Variants in ZC3H4 observed in about 807,000 individuals in gnomAD.
ZC3H4 encodes the protein zinc finger CCCH domain-containing protein 4.
Under a neutral mutation model 108.3 loss-of-function variants are expected in ZC3H4, and 13 were observed. The ratio of observed to expected loss-of-function variants is 0.12; its 90% confidence interval spans 0.08 to 0.19. The LOEUF (loss-of-function observed/expected upper bound fraction) is 0.19, where lower values mean the gene tolerates loss of function less well. ZC3H4 is among the 10% of genes least tolerant of loss of function. The pLI is 1.00. For missense variants in ZC3H4, 1,734 were observed against 1,838.8 expected (o/e 0.94, Z 1.04); for synonymous variants, 917 against 749.6 (o/e 1.22, Z -3.65).
At chr19:47,113,397 G>C (rs2058065318) in intron 1 of ZC3H4, 1 of 152,676 alleles carries the variant, frequency 6.5e-6, no homozygotes, top group African/African-American at 2.4e-5. Context: ...GAAACCTAGG[G>C]GAGCCATAAA....
At chr19:47,069,409 T>C in intron 13 of ZC3H4, 66 bp from the exon 14 acceptor site, 2 of 1,543,292 alleles carry the variant, frequency 1.3e-6, no homozygotes, top group Non-Finnish European at 8.7e-7. Context: ...CCAGCCCCCC[T>C]GCCCCTCACT....
At position 47,072,766 on chromosome 19, in the gene ZC3H4, G is replaced by C; in HGVS notation, c.1441-53C>G. 1 of 1,600,938 alleles carries C rather than the reference G, an allele frequency of 6.2e-7. No individual in the cohort carries two copies. The highest frequency in any genetic ancestry group is 8.5e-7 in the Non-Finnish European group (1 of 1,175,316). Reference sequence around the variant, plus strand: ...TGTGGACGGGGTCAGGATGGAAACGGACCTCTCCAGGTCTGAGAGCTGAAG... The same window carrying C: ...TGTGGACGGGGTCAGGATGGAAACGCACCTCTCCAGGTCTGAGAGCTGAAG... On this transcript the variant is annotated intron_variant, in intron 11 of 14. Coordinates refer to ENST00000253048, the MANE Select transcript of ZC3H4 (RefSeq NM_015168.2). This position sits in a 1 kb window ranked among gnomAD's most constrained non-coding sequence, Gnocchi z 5.6.
intron 8 of ZC3H4, 34 bp downstream of exon 8, chr19:47,085,022 G>A (rs1311013265): frequency 6.2e-7 from 1 of 1,611,850 alleles, no homozygotes; most frequent in Non-Finnish European, 8.5e-7. Flanking sequence ...AGGGACCTTG[G>A]CCCAAACATC....
chr19:47,094,426 TTC>T lies in ZC3H4; in HGVS notation c.342_343del (p.Arg116GlufsTer17). 6.2e-7 allele frequency: 1 copy of T among 1,614,168 alleles called. No homozygotes were observed. ...TTTCCTCCTCTTCTTCGACCTCCTT[TTC>T]TCTTTCTCCCGCTCTTTCTTCCGTT... is the stretch of plus-strand genomic sequence containing the variant. On this transcript the variant is annotated frameshift_variant, in exon 3 of 15. Coordinates refer to ENST00000253048, the MANE Select transcript of ZC3H4 (RefSeq NM_015168.2). LOFTEE classifies it high-confidence loss of function.
At chr19:47,076,168 C>T (rs753098304) in intron 11 of ZC3H4, among the ~76,000 whole-genome samples, 83 of 152,244 alleles carry the variant, frequency 5.5e-4, no homozygotes, top group Non-Finnish European at 8.4e-4. Flanking sequence ...TGTCCTTCAA[C>T]GGATGACTGG....
chr19:47,066,828 C>T lies in ZC3H4; in HGVS notation c.3440G>A (p.Ser1147Asn). The T allele has an allele frequency of 6.3e-7, 1 of 1,599,838 alleles. No individual in the cohort carries two copies. The highest frequency in any genetic ancestry group is 8.5e-7 in the Non-Finnish European group (1 of 1,179,292). The change falls in exon 15 of 15, where the codon AGC (serine) becomes AAC (asparagine). Residue 1147 changes from serine (S) to asparagine (N), a missense_variant. This residue lies in a region of ZC3H4 where 518 missense variants were observed against 499.6 expected (regional missense o/e 1.04). Coordinates refer to ENST00000253048, the MANE Select transcript of ZC3H4 (RefSeq NM_015168.2). ...GTTGGGAGTCCTCGGGTCGTAGAGGCTGATACCGCTCAGCACACTGCTCTG... is the reference window on the plus strand; with the variant it reads ...GTTGGGAGTCCTCGGGTCGTAGAGGTTGATACCGCTCAGCACACTGCTCTG... ...GGQSSVLSGISLYDPRTPNAG... is the reference protein window; with the variant it reads ...GGQSSVLSGINLYDPRTPNAG...
At chr19:47,112,865 G>T (rs1332923178) in intron 1 of ZC3H4, among the ~76,000 whole-genome samples, 1 of 152,172 alleles carries the variant, frequency 6.6e-6, no homozygotes, top group Non-Finnish European at 1.5e-5. Flanking sequence ...CCCCCGGGGG[G>T]CGGGACACCC....
At position 47,075,292 on chromosome 19, in the gene ZC3H4, G is replaced by C. The variant is rs571973595; in HGVS notation, c.1441-2579C>G. Reference sequence around the variant, plus strand: ...AACCCGCATTCTGCCCTTTGAGCGTGGGCACCACCACCTGAGATGAGCCTT... The same window carrying C: ...AACCCGCATTCTGCCCTTTGAGCGTCGGCACCACCACCTGAGATGAGCCTT... On this transcript the variant is annotated intron_variant, in intron 11 of 14. Transcript: ENST00000253048. Among the ~76,000 whole-genome samples, 5 of 152,280 alleles carry C rather than the reference G, an allele frequency of 3.3e-5. 1 individual carries two copies. Among genetic ancestry groups the C allele is most frequent in the African/African-American group, 1.2e-4 (5 of 41,560 alleles).
chr19:47,081,236 G>A (rs951384714), intron 11 of ZC3H4, among the ~76,000 whole-genome samples: 5 of 152,192 alleles, frequency 3.3e-5, no homozygotes, highest in African/African-American at 7.2e-5. Flanking sequence ...AAGAGATCAC[G>A]ATTCATGCTT....
At chr19:47,090,578 T>C (rs2057714218) in intron 4 of ZC3H4, among the ~76,000 whole-genome samples, 1 of 152,160 alleles carries the variant, frequency 6.6e-6, no homozygotes, top group South Asian at 2.1e-4. Context: ...ATAAATGGCC[T>C]GCTTGGCAGC....
intron 4 of ZC3H4, among the ~76,000 whole-genome samples, chr19:47,092,627 G>C (rs2057753807): frequency 1.3e-5 from 2 of 151,950 alleles, no homozygotes; most frequent in East Asian, 3.9e-4. Context: ...GGCCAGCCTG[G>C]CCAACATCGT....
intron 5 of ZC3H4, 38 bp downstream of exon 5, chr19:47,089,929 C>T (rs1258671267): frequency 4.3e-6 from 7 of 1,610,504 alleles, no homozygotes; most frequent in Middle Eastern, 1.7e-4. Flanking sequence ...CGGGTGGCTC[C>T]GATGCCCCAG....
chr19:47,094,386 T>C lies in ZC3H4; in HGVS notation c.381+3A>G, dbSNP rs1340432193. 1 of 1,613,870 alleles carries C rather than the reference T, an allele frequency of 6.2e-7. No homozygotes were observed. Among genetic ancestry groups the C allele is most frequent in the Non-Finnish European group, 8.5e-7 (1 of 1,180,018 alleles). On this transcript the variant is annotated splice_donor_region_variant and intron_variant, in intron 3 of 14. Coordinates refer to ENST00000253048, the MANE Select transcript of ZC3H4 (RefSeq NM_015168.2). ...TGGCAGTCCCAGGGGATCTCCGACCTACTTTGTGCTTGGATTTCCTCCTCT... is the reference window on the plus strand; with the variant it reads ...TGGCAGTCCCAGGGGATCTCCGACCCACTTTGTGCTTGGATTTCCTCCTCT...
intron 4 of ZC3H4, among the ~76,000 whole-genome samples, chr19:47,092,091 C>A (rs2057742799): frequency 6.6e-6 from 1 of 151,774 alleles, no homozygotes; most frequent in Non-Finnish European, 1.5e-5. Flanking sequence ...ATGGTTCCAG[C>A]TACTTAGGAG....
At position 47,069,432 on chromosome 19, in the gene ZC3H4, C is replaced by T. The variant is rs566465038; in HGVS notation, c.2147-89G>A. On this transcript the variant is annotated intron_variant, in intron 13 of 14. Transcript: ENST00000253048. ...CCTGCCCCTCACTGCAAACCCACAC[C>T]GATGGCGATGGAGAAGGACGCACAG... is the stretch of plus-strand genomic sequence containing the variant. 2.6e-3 allele frequency: 3,858 copies of T among 1,478,810 alleles called. 12 individuals are homozygous for T. The highest frequency in any genetic ancestry group is 6.4e-3 in the African/African-American group (457 of 71,918). The allele number at this position is 1,478,810 out of a possible 1,614,324, so 91.6% of individuals were successfully genotyped here.
chr19:47,065,352 C>CA lies in ZC3H4; in HGVS notation c.*1003dup, dbSNP rs1419704861. ...ACAGTGTAAGGAGGTGCGAGGAAAA[C>CA]AGAGAACACTTGGCCAGGAGCCACC... On this transcript the variant is annotated 3_prime_UTR_variant, in exon 15 of 15. Coordinates refer to ENST00000253048, the MANE Select transcript of ZC3H4 (RefSeq NM_015168.2). 1 of 152,796 alleles carries CA rather than the reference C, an allele frequency of 6.5e-6. No homozygotes were observed. The highest frequency in any genetic ancestry group is 2.4e-5 in the African/African-American group (1 of 41,370). The allele number at this position is 152,796 out of a possible 1,614,324, so 9.5% of individuals were successfully genotyped here. A position where few individuals can be genotyped will look rare whatever the true frequency, so the allele number is the denominator to read the frequency against.
In ZC3H4 at chr19:47,094,536, C is replaced by A. The variant is rs758118556; in HGVS notation, c.234G>T (p.Gly78=). The change falls in exon 3 of 15, where the codon GGG becomes GGT. Residue 78 remains glycine, a synonymous_variant. Coordinates refer to ENST00000253048, the MANE Select transcript of ZC3H4 (RefSeq NM_015168.2). The part of the protein sequence containing the change: ...GAEETQDTSG[G]PERSRKEKGE... ...CCTTTTCTTTCCGGCTTCTCTCAGG[C>A]CCTCCGGAGGTATCCTGGGTCTCCT... The A allele has an allele frequency of 4.3e-6, 7 of 1,614,214 alleles. No homozygotes were observed. In the South Asian group the frequency reaches 7.7e-5, roughly 18 times the overall value.
At chr19:47,102,026 T>G (rs936871921) in intron 2 of ZC3H4, among the ~76,000 whole-genome samples, 1 of 152,098 alleles carries the variant, frequency 6.6e-6, no homozygotes, top group African/African-American at 2.4e-5. Context: ...AGATTGAGAC[T>G]TCGTCTCAAA....
intron 2 of ZC3H4, among the ~76,000 whole-genome samples, chr19:47,107,228 T>C (rs1032614657): frequency 3.3e-5 from 5 of 152,190 alleles, no homozygotes; most frequent in South Asian, 2.1e-4. Flanking sequence ...CCTTCAAAAA[T>C]AGATGTTATT....
Sources: allele counts gnomAD v4.1 joint callset (sites outside exome capture counted in the v4.1 genomes callset), GRCh38; gene constraint gnomAD v4.1.1; regional missense constraint gnomAD v4.1.1; non-coding constraint Gnocchi (gnomAD v3.1); transcripts MANE v1.5; gene names NCBI Gene and HGNC (gene_info 2026-07-23, HGNC 2026-07-21).